Variants in LYZL4 observed in about 807,000 individuals in gnomAD.
LYZL4 encodes lysozyme like 4.
A neutral mutation model predicts 17.6 loss-of-function variants in LYZL4; 13 were observed. That is an observed-to-expected ratio of 0.74 (90% CI 0.48 to 1.18). The LOEUF (loss-of-function observed/expected upper bound fraction) is 1.18, where lower values mean the gene tolerates loss of function less well. Among genes scored for constraint, LYZL4 ranks in the 50% most tolerant of loss-of-function variants. LYZL4 has a pLI of 0.00. For missense variants in LYZL4, 174 were observed against 188.2 expected (o/e 0.92, Z 0.44); for synonymous variants, 64 against 67.7 (o/e 0.95, Z 0.27).
chr3:42,383,521 G>C, the LYZL4 span, among the ~76,000 whole-genome samples: 1 of 149,060 alleles, frequency 6.7e-6, no homozygotes, highest in Admixed American at 6.7e-5. Flanking sequence ...CTAACTGAAA[G>C]CTCCAATCAG....
chr3:42,383,302 T>C, the LYZL4 span, among the ~76,000 whole-genome samples: 1 of 152,104 alleles, frequency 6.6e-6, no homozygotes, highest in Admixed American at 6.5e-5. Flanking sequence ...AGCAACCTTC[T>C]CTGGGGAACA....
the LYZL4 span, among the ~76,000 whole-genome samples, chr3:42,363,631 G>C: frequency 6.6e-6 from 1 of 152,146 alleles, no homozygotes; most frequent in Non-Finnish European, 1.5e-5. Flanking sequence ...CACATTCTCT[G>C]TTGAAACTTT....
intron 3 of LYZL4, among the ~76,000 whole-genome samples, chr3:42,405,269 C>G (rs562282914): frequency 1.3e-5 from 2 of 152,166 alleles, no homozygotes; most frequent in Non-Finnish European, 2.9e-5. Flanking sequence ...AGGATGGTCC[C>G]GATCTCCTGA....
At chr3:42,395,581 CAAT>C (rs1698538748), downstream of LYZL4, among the ~76,000 whole-genome samples, 1 of 152,152 alleles carries the variant, frequency 6.6e-6, no homozygotes, top group Non-Finnish European at 1.5e-5. Flanking sequence ...AGCAACATGA[CAAT>C]GATGAAAACT....
the LYZL4 span, among the ~76,000 whole-genome samples, chr3:42,383,909 T>A: frequency 3.7e-4 from 57 of 152,062 alleles, no homozygotes; most frequent in Non-Finnish European, 6.8e-4. Context: ...GCACAAATAA[T>A]GGGAATTCCA....
chr3:42,364,110 C>T, the LYZL4 span, among the ~76,000 whole-genome samples: 2 of 152,132 alleles, frequency 1.3e-5, no homozygotes, highest in African/African-American at 4.8e-5. Flanking sequence ...TCCCTATCTC[C>T]CCTGGGAGGC....
chr3:42,407,194 A>G lies in LYZL4; in HGVS notation c.58T>C (p.Tyr20His). Residue 20 changes from tyrosine to histidine, a missense_variant, in exon 2 of 5, where the codon TAC becomes CAC. Coordinates refer to ENST00000287748, the MANE Select transcript of LYZL4 (RefSeq NM_144634.4). ...LGYLVVPSGA[Y>H]ILGRCTVAKK... is the part of the protein sequence containing the mutation. ...GCCACTGTGCAACGCCCCAAGATGT[A>G]AGCACCACTTGGAACCACCAGGTAG... 1 of 1,614,124 alleles carries G rather than the reference A, an allele frequency of 6.2e-7. No homozygotes were observed. Among genetic ancestry groups the G allele is most frequent in the Non-Finnish European group, 8.5e-7 (1 of 1,180,006 alleles).
At chr3:42,396,458 A>T (rs1328391598), downstream of LYZL4, among the ~76,000 whole-genome samples, 1 of 152,226 alleles carries the variant, frequency 6.6e-6, no homozygotes, top group Non-Finnish European at 1.5e-5. Flanking sequence ...GCCCCTTGCT[A>T]CTTAAAGTTG....
chr3:42,397,479 G>A, intron 4 of LYZL4, 145 bp from the exon 5 acceptor site: 1 of 612,142 alleles, frequency 1.6e-6, no homozygotes, highest in South Asian at 2.0e-5. Context: ...CGATTCTGAA[G>A]GCTTTTGTGC....
the LYZL4 span, among the ~76,000 whole-genome samples, chr3:42,377,573 A>T: frequency 1.1e-4 from 16 of 151,846 alleles, no homozygotes; most frequent in Non-Finnish European, 2.1e-4. Flanking sequence ...TCTGATATCC[A>T]CACGATGAAA....
At chr3:42,368,584 AT>A in the LYZL4 span, among the ~76,000 whole-genome samples, 2 of 152,104 alleles carry the variant, frequency 1.3e-5, no homozygotes, top group East Asian at 3.9e-4. Context: ...CTAATATTCC[AT>A]TGTTGGATAG....
the LYZL4 span, among the ~76,000 whole-genome samples, chr3:42,391,106 G>C: frequency 6.6e-6 from 1 of 152,072 alleles, no homozygotes; most frequent in Non-Finnish European, 1.5e-5. Flanking sequence ...AGCATTGTGA[G>C]GATAAAGAAG....
the LYZL4 span, among the ~76,000 whole-genome samples, chr3:42,372,718 T>G: frequency 1.3e-5 from 2 of 152,212 alleles, no homozygotes; most frequent in Non-Finnish European, 2.9e-5. Context: ...CAACTTGCTC[T>G]TTGCAACAGC....
the LYZL4 span, among the ~76,000 whole-genome samples, chr3:42,380,753 C>T: frequency 1.3e-5 from 2 of 152,316 alleles, no homozygotes; most frequent in African/African-American, 4.8e-5. Context: ...GTAAACTAGT[C>T]AAGGATGGCT....
chr3:42,389,758 T>C, the LYZL4 span, among the ~76,000 whole-genome samples: 10 of 152,228 alleles, frequency 6.6e-5, no homozygotes, highest in African/African-American at 2.4e-4. Flanking sequence ...AGAAGTAATA[T>C]TGGTCTCAGT....
At chr3:42,385,270 G>A in the LYZL4 span, among the ~76,000 whole-genome samples, 1 of 152,042 alleles carries the variant, frequency 6.6e-6, no homozygotes, top group East Asian at 1.9e-4. Flanking sequence ...ACAAGTGGTG[G>A]TCCCATACAA....
downstream of LYZL4, among the ~76,000 whole-genome samples, chr3:42,394,808 G>A (rs942484617): frequency 7.9e-5 from 12 of 152,168 alleles, no homozygotes; most frequent in Admixed American, 5.9e-4. Flanking sequence ...ATGGTGAGCC[G>A]CAGCAGAAGC....
At chr3:42,368,256 T>C in the LYZL4 span, among the ~76,000 whole-genome samples, 123,041 of 152,232 alleles carry the variant, frequency 0.81, 50,411 homozygotes, top group African/African-American at 0.94. Context: ...TAGCTATCGG[T>C]CACAGATTAA....
the LYZL4 span, among the ~76,000 whole-genome samples, chr3:42,376,315 C>G: frequency 6.6e-6 from 1 of 151,928 alleles, no homozygotes; most frequent in African/African-American, 2.4e-5. Context: ...ATTGTTGGTG[C>G]CCCCCCACCC....
Sources: allele counts gnomAD v4.1 joint callset (sites outside exome capture counted in the v4.1 genomes callset), GRCh38; gene constraint gnomAD v4.1.1; transcripts MANE v1.5; gene names NCBI Gene and HGNC (gene_info 2026-07-23, HGNC 2026-07-21).